The following ADAMTS17 variants were observed in gnomAD, a reference collection of about 807,000 sequenced individuals.
ADAMTS17 encodes the protein ADAM metallopeptidase with thrombospondin type 1 motif 17.
ADAMTS17 carries 113 observed loss-of-function variants against 141.5 expected under a neutral mutation model. The ratio of observed to expected loss-of-function variants is 0.80; its 90% CI spans 0.69 to 0.93. The LOEUF is 0.93. ADAMTS17 is among the 40% of genes least tolerant of loss of function. The pLI, the probability that ADAMTS17 is intolerant of heterozygous loss-of-function variation, is 0.00. For synonymous variants in ADAMTS17, 768 were observed against 630.6 expected (o/e 1.22, Z -3.27); for missense variants, 1,659 against 1,517.9 (o/e 1.09, Z -1.54).
intron 15 of ADAMTS17, among the ~76,000 whole-genome samples, chr15:100,087,031 C>G (rs1185895486): frequency 6.6e-6 from 1 of 152,050 alleles, no homozygotes; most frequent in Non-Finnish European, 1.5e-5. Flanking sequence ...AAAAACCCTT[C>G]AAAAAATCAA....
Position 100,109,042 on chromosome 15 carries a change from C to A in ADAMTS17, c.1963G>T (p.Gly655Cys). The A allele has an allele frequency of 6.2e-7, 1 of 1,614,108 alleles. No homozygotes were observed. Among genetic ancestry groups the A allele is most frequent in the Non-Finnish European group, 8.5e-7 (1 of 1,180,048 alleles). The change falls in exon 14 of 22, where the codon GGT becomes TGT. Residue 655 changes from glycine (G) to cysteine (C), a missense_variant. Coordinates refer to ENST00000268070, the MANE Select transcript of ADAMTS17 (RefSeq NM_139057.4). Reference protein sequence around the residue: ...PLLVADRVLDGTPCGPYETDL... With the variant: ...PLLVADRVLDCTPCGPYETDL... ...GTCTCGTAGGGCCCGCAGGGTGTAC[C>A]GTCCAGGACCCTGTCGGCCACCAGC...
At chr15:100,258,672 C>T (rs576623711) in intron 6 of ADAMTS17, among the ~76,000 whole-genome samples, 7 of 152,278 alleles carry the variant, frequency 4.6e-5, no homozygotes, top group Admixed American at 1.3e-4. Context: ...TGGTCCCTCC[C>T]ACAACATGTG....
intron 7 of ADAMTS17, among the ~76,000 whole-genome samples, chr15:100,208,634 C>G (rs1295950331): frequency 1.3e-5 from 2 of 152,222 alleles, no homozygotes; most frequent in Non-Finnish European, 2.9e-5. Context: ...CATCATTACA[C>G]AAAGCTCATG....
At chr15:100,280,507 C>CT (rs2044244253) in intron 4 of ADAMTS17, among the ~76,000 whole-genome samples, 1 of 152,174 alleles carries the variant, frequency 6.6e-6, no homozygotes, top group Non-Finnish European at 1.5e-5. Context: ...CACTGCTCCC[C>CT]TCCCCTTCAG....
chr15:100,324,281 G>C (rs2045830306), intron 3 of ADAMTS17, among the ~76,000 whole-genome samples: 1 of 151,964 alleles, frequency 6.6e-6, no homozygotes, highest in Non-Finnish European at 1.5e-5. Flanking sequence ...CTCTAGCCAG[G>C]GTGACAGAGT....
chr15:100,142,300 A>G (rs2038694821), intron 10 of ADAMTS17, among the ~76,000 whole-genome samples: 2 of 152,186 alleles, frequency 1.3e-5, no homozygotes, highest in African/African-American at 4.8e-5. Context: ...AAAGGAGAAA[A>G]GCCTGGAGAC....
chr15:100,069,757 A>C lies in ADAMTS17; in HGVS notation c.2138-15703T>G, dbSNP rs539302509. On this transcript the variant is annotated intron_variant, in intron 15 of 21. Transcript: ENST00000268070. ...TCCTGAAGGAAGCACTAAACATGGA[A>C]AGGAACAACTGGTAACAGCCACTGC... Among the ~76,000 whole-genome samples, 7 of 145,504 alleles carry C rather than the reference A, an allele frequency of 4.8e-5. No homozygotes were observed. In the South Asian group the frequency reaches 1.5e-3, roughly 31 times the overall value.
intron 7 of ADAMTS17, among the ~76,000 whole-genome samples, chr15:100,226,758 G>A (rs1425742629): frequency 2.0e-5 from 3 of 152,190 alleles, no homozygotes; most frequent in African/African-American, 4.8e-5. Flanking sequence ...TTTTATACAT[G>A]GGAGTGATGG....
At chr15:100,251,035 G>A (rs1354251524) in intron 7 of ADAMTS17, among the ~76,000 whole-genome samples, 4 of 152,072 alleles carry the variant, frequency 2.6e-5, no homozygotes, top group Non-Finnish European at 4.4e-5. Context: ...AATATGACAC[G>A]TTAAGAGAAA....
At chr15:100,289,878 G>C (rs560802014) in intron 3 of ADAMTS17, among the ~76,000 whole-genome samples, 4 of 152,102 alleles carry the variant, frequency 2.6e-5, no homozygotes, top group Non-Finnish European at 4.4e-5. Flanking sequence ...AAAATAGTAA[G>C]AGCCATCTAT....
At chr15:100,278,105 G>A (rs117282776) in intron 4 of ADAMTS17, among the ~76,000 whole-genome samples, 1,691 of 152,202 alleles carry the variant, frequency 0.011, 14 homozygotes, top group Non-Finnish European at 0.017. Context: ...GATTCACACA[G>A]ATAGAAAGTA....
chr15:100,167,965 C>T (rs1456063339), intron 8 of ADAMTS17, among the ~76,000 whole-genome samples: 1 of 152,208 alleles, frequency 6.6e-6, no homozygotes, highest in African/African-American at 2.4e-5. Flanking sequence ...CAGAAATGCT[C>T]CTGGCAAAAA....
chr15:100,274,371 A>G (rs1008351674), intron 4 of ADAMTS17, among the ~76,000 whole-genome samples: 6 of 152,188 alleles, frequency 3.9e-5, no homozygotes, highest in Non-Finnish European at 5.9e-5. Context: ...GTAAATATTT[A>G]TAACTGTTAT....
intron 13 of ADAMTS17, among the ~76,000 whole-genome samples, chr15:100,115,957 T>C (rs778054543): frequency 5.9e-5 from 9 of 152,112 alleles, no homozygotes; most frequent in Non-Finnish European, 1.2e-4. Context: ...TGCAGGTGCT[T>C]AGAGGTGTCC....
intron 15 of ADAMTS17, among the ~76,000 whole-genome samples, chr15:100,059,859 A>C (rs1013186416): frequency 6.6e-6 from 1 of 152,140 alleles, no homozygotes; most frequent in African/African-American, 2.4e-5. Context: ...CCTATGCATA[A>C]TGTATTTTTT....
At chr15:100,262,971 A>G (rs961298716) in intron 4 of ADAMTS17, among the ~76,000 whole-genome samples, 3 of 152,188 alleles carry the variant, frequency 2.0e-5, no homozygotes, top group African/African-American at 7.2e-5. Context: ...AAATGTATAT[A>G]AGAGAAACCT....
In ADAMTS17 at chr15:99,997,332, C is replaced by T; in HGVS notation, c.2796+53G>A. 1.9e-6 allele frequency: 3 copies of T among 1,602,218 alleles called. No homozygotes were observed. The highest frequency in any genetic ancestry group is 1.7e-6 in the Non-Finnish European group (2 of 1,170,806). On this transcript the variant is annotated intron_variant, in intron 19 of 21. Coordinates refer to ENST00000268070, the MANE Select transcript of ADAMTS17 (RefSeq NM_139057.4). This position sits in a 1 kb window ranked among gnomAD's most constrained non-coding sequence, Gnocchi z 4.7. ...CACCAGAATGTCACCAATACCATGG[C>T]ACCGTGTTGGAGTCCCTGTGGCTGA...
rs564619192 is a variant in ADAMTS17 at position 100,072,173 on chromosome 15, A to C, written c.2138-18119T>G. On this transcript the variant is annotated intron_variant, in intron 15 of 21. Transcript: ENST00000268070. ...CATTCACAATTGCTTCAAAGAGAAT[A>C]AAATACCTAGGAATCCAACTTACAA... 6.3e-4 allele frequency among the ~76,000 whole-genome samples: 95 copies of C among 149,634 alleles called. 2 individuals carry two copies. The highest frequency in any genetic ancestry group is 2.3e-3 in the African/African-American group (93 of 40,504).
intron 2 of ADAMTS17, among the ~76,000 whole-genome samples, chr15:100,338,505 T>C (rs2585221): frequency 0.23 from 35,089 of 152,194 alleles, 4,397 homozygotes; most frequent in Non-Finnish European, 0.3. Context: ...CATTCGCTCG[T>C]ATGCCATCCG....
Sources: gnomAD v4.1 joint callset for allele counts (sites outside exome capture counted in the v4.1 genomes callset) on GRCh38, gnomAD v4.1.1 for gene constraint, Gnocchi (gnomAD v3.1) non-coding constraint, MANE v1.5 for transcripts, NCBI Gene and HGNC (gene_info 2026-07-23, HGNC 2026-07-21) for gene names.